The following NAV1 variants were observed in gnomAD, a reference collection of about 807,000 sequenced individuals.
NAV1 encodes pore membrane and/or filament interacting like protein 3.
In NAV1, 18 loss-of-function variants were observed where a neutral mutation model predicts 175.2. The ratio of observed to expected loss-of-function variants is 0.10; its 90% CI spans 0.07 to 0.15. The LOEUF is 0.15. NAV1 is among the 10% of genes least tolerant of loss of function. The probability of loss-of-function intolerance (pLI) is 1.00; values close to 1 mark genes in which losing one functional copy is unlikely to be tolerated. For synonymous variants in NAV1, 897 were observed against 978.7 expected (o/e 0.92, Z 1.56); for missense variants, 1,731 against 2,436.6 (o/e 0.71, Z 6.10).
intron 17 of NAV1, 55 bp downstream of exon 21, chr1:201,804,552 C>T: frequency 7.1e-7 from 1 of 1,398,608 alleles, no homozygotes; most frequent in Non-Finnish European, 9.7e-7. Flanking sequence ...CCATACCTTC[C>T]CTATTTCCAG....
Position 201,562,426 on chromosome 1 carries a change from G to A in NAV1, c.-144+23084G>A, listed in dbSNP as rs1666228804. 3.3e-5 allele frequency among the ~76,000 whole-genome samples: 5 copies of A among 152,154 alleles called. No individual in the cohort carries two copies. The South Asian group carries it at 1.0e-3, about 32-fold the overall frequency. The stretch of plus-strand genomic sequence containing the variant: ...TGGATGGCAGATGTGAAGTTGGCTG[G>A]GATGGGCGAAGGTCTGGAAGGCTTC... On this transcript the variant is annotated intron_variant, in intron 1 of 33. Transcript: ENST00000685211.
At chr1:201,576,535 G>A (rs2102183818) in intron 1 of NAV1, among the ~76,000 whole-genome samples, 1 of 151,756 alleles carries the variant, frequency 6.6e-6, no homozygotes, top group South Asian at 2.1e-4. Context: ...GAGCCCAGGA[G>A]TTCAAGACCA....
At chr1:201,821,984 G>T (rs1470541383) in exon 30 of NAV1, 1 of 152,614 alleles carries the variant, frequency 6.6e-6, no homozygotes, top group Admixed American at 6.5e-5. Flanking sequence ...CCACCCAACC[G>T]AGGAGTAGAT....
chr1:201,547,080 G>A lies in NAV1; in HGVS notation c.-144+7738G>A, dbSNP rs188947455. Among the ~76,000 whole-genome samples, 890 of 150,978 alleles carry A rather than the reference G, an allele frequency of 5.9e-3. 9 individuals are homozygous for A. Among genetic ancestry groups the A allele is most frequent in the South Asian group, 0.022 (105 of 4,760 alleles). On this transcript the variant is annotated intron_variant, in intron 1 of 33. Coordinates refer to the NAV1 transcript ENST00000685211. ...CAGCTCACCGTAACCTCCGTCTCCC[G>A]GGTTCAAGCGATTCTCCAGCCTCAG... is the stretch of plus-strand genomic sequence containing the variant.
rs148508180 is a variant in NAV1, at chr1:201,805,733, G to A, written c.3648+1236G>A. ...AGCTCAGGAGTTCAAGATCAGCCTG[G>A]GCAACATAGTGAAATCCTGCCTCTA... On this transcript the variant is annotated intron_variant, in intron 17 of 29. Coordinates refer to ENST00000367296, the Ensembl canonical transcript of NAV1. 6.9e-3 allele frequency among the ~76,000 whole-genome samples: 1,054 copies of A among 152,084 alleles called. 9 individuals are homozygous for A. The highest frequency in any genetic ancestry group is 0.024 in the African/African-American group (1,001 of 41,488).
At chr1:201,692,372 C>T (rs1456425919) in intron 1 of NAV1, among the ~76,000 whole-genome samples, 2 of 152,154 alleles carry the variant, frequency 1.3e-5, no homozygotes, top group Non-Finnish European at 2.9e-5. Flanking sequence ...CAGATAGCTC[C>T]AGTTTATAAA....
intron 16 of NAV1, 135 bp downstream of exon 20, chr1:201,803,849 C>T: frequency 8.6e-7 from 1 of 1,163,642 alleles, no homozygotes; most frequent in South Asian, 1.5e-5. Context: ...GTGATGTCCG[C>T]TCAGAGCATG....
chr1:201,632,573 C>T (rs574655219), intron 2 of NAV1, among the ~76,000 whole-genome samples: 2 of 152,254 alleles, frequency 1.3e-5, no homozygotes, highest in Non-Finnish European at 2.9e-5. Context: ...AGGCTGTGTG[C>T]AGGAGGACTG....
At chr1:201,776,146 T>C (rs930870265) in intron 3 of NAV1, among the ~76,000 whole-genome samples, 2 of 152,104 alleles carry the variant, frequency 1.3e-5, no homozygotes, top group East Asian at 3.9e-4. Flanking sequence ...TGTGTACCTA[T>C]ATATGTATGT....
In NAV1 at chr1:201,629,336, G is replaced by A. The variant is rs1440746179; in HGVS notation, c.-100-68G>A. The stretch of plus-strand genomic sequence containing the variant: ...ACCAAGTTCTAAGAGGGTTTTCTTA[G>A]CCCCATGGAGGGGCTTAGAGACCAG... On this transcript the variant is annotated intron_variant, in intron 1 of 29. Transcript: ENST00000367302. 4.4e-6 allele frequency: 5 copies of A among 1,123,782 alleles called. No homozygotes were observed. In the African/African-American group the frequency reaches 8.2e-5, roughly 18 times the overall value. 69.6% of individuals were successfully genotyped at this position (1,123,782 alleles called of 1,614,324 possible).
At chr1:201,555,486 G>A (rs1350882818) in intron 1 of NAV1, among the ~76,000 whole-genome samples, 1 of 152,168 alleles carries the variant, frequency 6.6e-6, no homozygotes, top group African/African-American at 2.4e-5. Context: ...TGGGAGAGCT[G>A]TGGAGCTACT....
intron 1 of NAV1, among the ~76,000 whole-genome samples, chr1:201,665,148 C>T (rs1669763226): frequency 6.6e-6 from 1 of 152,144 alleles, no homozygotes; most frequent in Admixed American, 6.5e-5. Flanking sequence ...CAACCTTCTT[C>T]TCTTTGAAGT....
chr1:201,718,785 G>A lies in NAV1; in HGVS notation c.1226+30G>A. ...GCGCAGGGGCTTCTTGGATGGCGGG[G>A]GAGGATGGTGGAAAGACCACTGGGA... On this transcript the variant is annotated intron_variant, in intron 3 of 29. Coordinates refer to ENST00000367296, the Ensembl canonical transcript of NAV1. This position sits in a 1 kb window ranked among gnomAD's most constrained non-coding sequence, Gnocchi z 4.8. 1 of 1,572,196 alleles carries A rather than the reference G, an allele frequency of 6.4e-7. No individual in the cohort carries two copies. Among genetic ancestry groups the A allele is most frequent in the East Asian group, 2.3e-5 (1 of 44,230 alleles).
intron 1 of NAV1, among the ~76,000 whole-genome samples, chr1:201,569,867 C>G (rs983153537): frequency 6.6e-6 from 1 of 152,200 alleles, no homozygotes; most frequent in Non-Finnish European, 1.5e-5. Flanking sequence ...ACATCCAGCT[C>G]TTAGGCTTCT....
At chr1:201,613,283 G>A (rs906499554) in intron 2 of NAV1, among the ~76,000 whole-genome samples, 1 of 152,030 alleles carries the variant, frequency 6.6e-6, no homozygotes, top group Non-Finnish European at 1.5e-5. Context: ...GTGTAATTTG[G>A]TTACCCTCTC....
At chr1:201,794,701 A>G (rs564387307) in intron 15 of NAV1, 124 bp downstream of exon 19, 1 of 856,668 alleles carries the variant, frequency 1.2e-6, no homozygotes, top group Non-Finnish European at 1.9e-6. Context: ...GAGGGCCTTT[A>G]GATACCCTTT....
At chr1:201,552,498 T>TA (rs1557993781) in intron 1 of NAV1, among the ~76,000 whole-genome samples, 1 of 106,866 alleles carries the variant, frequency 9.4e-6, no homozygotes, top group East Asian at 3.4e-4. Context: ...TCCCTGACAT[T>TA]GGGCTCTGAC....
At chr1:201,723,445 C>T (rs904503097) in intron 3 of NAV1, 2 of 152,056 alleles carry the variant, frequency 1.3e-5, no homozygotes, top group South Asian at 4.1e-4. Flanking sequence ...AGATGAAATC[C>T]ATTTTATCTG....
chr1:201,671,242 C>G (rs931242984), intron 1 of NAV1, among the ~76,000 whole-genome samples: 1 of 152,128 alleles, frequency 6.6e-6, no homozygotes, highest in African/African-American at 2.4e-5. Context: ...AGGATATAAC[C>G]AAGTGCTAAA....
Sources: allele counts gnomAD v4.1 joint callset (sites outside exome capture counted in the v4.1 genomes callset), GRCh38; gene constraint gnomAD v4.1.1; non-coding constraint Gnocchi (gnomAD v3.1); transcripts MANE v1.5; gene names NCBI Gene and HGNC (gene_info 2026-07-23, HGNC 2026-07-21).